Variants in ZNF285 observed in about 807,000 individuals in gnomAD.
The protein encoded by ZNF285 is zinc finger protein 285.
A neutral mutation model predicts 6.2 loss-of-function variants in ZNF285; 4 were observed. That is an observed-to-expected ratio of 0.65 (90% CI 0.32 to 1.49). ZNF285 has a LOEUF of 1.49. ZNF285 is among the 40% of genes most tolerant of loss of function. ZNF285 has a pLI of 0.07. For missense variants in ZNF285, 695 were observed against 708.8 expected, an observed-to-expected ratio of 0.98 and a Z score of 0.22; for synonymous variants, 240 against 245.8, an observed-to-expected ratio of 0.98 and a Z score of 0.22.
rs527543588 is a variant in ZNF285, at chr19:44,390,357, A to T, written c.142+1983T>A. Among the ~76,000 whole-genome samples the T allele has an allele frequency of 2.0e-4, 30 of 152,286 alleles. 1 individual carries two copies. The highest frequency in any genetic ancestry group is 7.2e-4 in the African/African-American group (30 of 41,522). On this transcript the variant is annotated intron_variant, in intron 3 of 3. Transcript: ENST00000614994. ...TGATCAGGATGCAAGACATAGAGTC[A>T]AAGGAGATCACTTTTGACTTTTAAG...
At chr19:44,398,571 C>A (rs1156664901) in intron 1 of ZNF285, among the ~76,000 whole-genome samples, 4 of 152,156 alleles carry the variant, frequency 2.6e-5, no homozygotes, top group African/African-American at 9.7e-5. Context: ...CCCTTCAGTC[C>A]TAAAGTCAGT....
Position 44,399,367 on chromosome 19 carries a change from CCT to C in ZNF285, c.-43-2113_-43-2112del, listed in dbSNP as rs917624646. Among the ~76,000 whole-genome samples, 7 of 138,390 alleles carry C rather than the reference CCT, an allele frequency of 5.1e-5. No individual in the cohort carries two copies. The East Asian group carries it at 6.5e-4, about 13-fold the overall frequency. The allele number at this position is 138,390 out of a possible 152,430, so 90.8% of individuals were successfully genotyped here. ...TACCAAGAAAACACTCCTCCTTTCC[CCT>C]GTCAAAAAACTACAAATCCTAAAAA... is the stretch of plus-strand genomic sequence containing the variant. On this transcript the variant is annotated intron_variant, in intron 1 of 3. Transcript: ENST00000614994.
chr19:44,387,395 C>T lies in ZNF285; in HGVS notation c.850G>A (p.Gly284Ser). The T allele has an allele frequency of 3.1e-6, 5 of 1,614,070 alleles. No homozygotes were observed. Among genetic ancestry groups the T allele is most frequent in the Non-Finnish European group, 4.2e-6 (5 of 1,180,018 alleles). Residue 284 changes from glycine (G) to serine (S), a missense_variant, in exon 4 of 4, where the codon GGC becomes AGC. Gly to Ser is a moderately conservative substitution (Grantham distance 56, BLOSUM62 0). Coordinates refer to ENST00000614994, the MANE Select transcript of ZNF285 (RefSeq NM_152354.6). ...DLIVHCKTHS[G>S]KTPYEFHEWP... ...TCGTGGAATTCATAGGGAGTCTTGC[C>T]AGAGTGAGTTTTACAATGAACGATA...
At chr19:44,389,486 TTATGACTCAG>T (rs1328021311) in intron 3 of ZNF285, among the ~76,000 whole-genome samples, 9 of 152,150 alleles carry the variant, frequency 5.9e-5, no homozygotes, top group African/African-American at 2.2e-4. Context: ...AAAATCAGCA[TTATGACTCAG>T]TAGGAATAGG....
At chr19:44,396,384 C>G (rs543357378) in intron 2 of ZNF285, among the ~76,000 whole-genome samples, 84 of 152,176 alleles carry the variant, frequency 5.5e-4, no homozygotes, top group Non-Finnish European at 4.9e-4. Flanking sequence ...CTGTGATGGT[C>G]TTTCTAATGT....
chr19:44,392,144 C>T, intron 3 of ZNF285, 196 bp downstream of exon 3: 1 of 1,423,248 alleles, frequency 7.0e-7, no homozygotes, highest in Non-Finnish European at 9.2e-7. Context: ...GGGGAGAGCT[C>T]CCTCACAAAC....
chr19:44,400,553 T>C (rs558850318), intron 1 of ZNF285, among the ~76,000 whole-genome samples: 2 of 151,956 alleles, frequency 1.3e-5, no homozygotes, highest in South Asian at 4.2e-4. Flanking sequence ...GAGAATGGAG[T>C]TAATAATTTG....
In ZNF285 at chr19:44,385,639, A is replaced by T. The variant is rs1971056388; in HGVS notation, c.*833T>A. The T allele has an allele frequency of 6.6e-6, 1 of 152,238 alleles. No individual in the cohort carries two copies. The highest frequency in any genetic ancestry group is 1.5e-5 in the Non-Finnish European group (1 of 68,038). 9.4% of individuals were successfully genotyped at this position (152,238 alleles called of 1,614,324 possible). On this transcript the variant is annotated 3_prime_UTR_variant, in exon 4 of 4. Coordinates refer to ENST00000614994, the MANE Select transcript of ZNF285 (RefSeq NM_152354.6). Reference sequence around the variant, plus strand: ...TGCAGTAATAAATAAACCACCAAAAATCTCAGTGGTGAGACACAATGAACT... The same window carrying T: ...TGCAGTAATAAATAAACCACCAAAATTCTCAGTGGTGAGACACAATGAACT...
chr19:44,394,836 G>A (rs576613365), intron 2 of ZNF285, among the ~76,000 whole-genome samples: 25 of 152,274 alleles, frequency 1.6e-4, no homozygotes, highest in African/African-American at 5.1e-4. Flanking sequence ...GAGTCAGCAC[G>A]GTTGTCCTAA....
chr19:44,384,332 T>C lies in ZNF285; in HGVS notation c.*2140A>G, dbSNP rs1971039426. 1.3e-5 allele frequency: 2 copies of C among 152,328 alleles called. No individual in the cohort carries two copies. Among genetic ancestry groups the C allele is most frequent in the South Asian group, 4.1e-4 (2 of 4,830 alleles). The allele number at this position is 152,328 out of a possible 1,614,324, so 9.4% of individuals were successfully genotyped here. On this transcript the variant is annotated 3_prime_UTR_variant, in exon 4 of 4. Coordinates refer to ENST00000614994, the MANE Select transcript of ZNF285 (RefSeq NM_152354.6). ...CATGTAATTACATCCTAAAAATACA[T>C]TCTGAGAAGCAGGATCATTGGCTCA...
At chr19:44,400,431 T>C (rs1224282753) in intron 1 of ZNF285, among the ~76,000 whole-genome samples, 2 of 152,120 alleles carry the variant, frequency 1.3e-5, no homozygotes, top group Non-Finnish European at 2.9e-5. Context: ...TTATCAAATA[T>C]ACAGAGAGTG....
At chr19:44,390,020 C>T (rs1259916858) in intron 3 of ZNF285, among the ~76,000 whole-genome samples, 1 of 152,140 alleles carries the variant, frequency 6.6e-6, no homozygotes, top group Admixed American at 6.5e-5. Flanking sequence ...TATGGTTTGG[C>T]TGTGTCCCTA....
At chr19:44,396,658 G>C (rs1350968895) in intron 2 of ZNF285, 1 of 153,164 alleles carries the variant, frequency 6.5e-6, no homozygotes, top group South Asian at 2.0e-4. Context: ...CTTCCTGAGG[G>C]GCTGCCCTGT....
rs746754563 is a variant in ZNF285, at chr19:44,387,313, G to A, written c.932C>T (p.Ser311Leu). Residue 311 changes from serine to leucine, a missense_variant, in exon 4 of 4, where the codon TCA becomes TTA. Physicochemically the swap from Ser to Leu is moderately radical, Grantham distance 145 (BLOSUM62 -2). Transcript: ENST00000614994. ...SDLPRYQKVS[S>L]GDKPYKCKEC... The stretch of plus-strand genomic sequence containing the variant: ...TTTACATTTGTAGGGTTTGTCTCCT[G>A]AGGAGACTTTCTGATATCTGGGAAG... 8 of 1,614,034 alleles carry A rather than the reference G, an allele frequency of 5.0e-6. No individual in the cohort carries two copies. The Admixed American group carries it at 8.3e-5, about 17-fold the overall frequency.
At chr19:44,399,978 T>G (rs1440386804) in intron 1 of ZNF285, among the ~76,000 whole-genome samples, 2 of 150,362 alleles carry the variant, frequency 1.3e-5, no homozygotes, top group Non-Finnish European at 2.9e-5. Flanking sequence ...GTGACAATCC[T>G]GCAGAGAGAG....
rs1971037875 is a variant in ZNF285 at position 44,384,162 on chromosome 19, C to A, written c.*2310G>T. 1 of 152,122 alleles carries A rather than the reference C, an allele frequency of 6.6e-6. No individual in the cohort carries two copies. Among genetic ancestry groups the A allele is most frequent in the South Asian group, 2.1e-4 (1 of 4,824 alleles). 9.4% of individuals were successfully genotyped at this position (152,122 alleles called of 1,614,324 possible). ...TGTGGACATTTTTATAGGTCTAGAT[C>A]ATTGTTGATGGAGCCATGTTATTCC... On this transcript the variant is annotated 3_prime_UTR_variant, in exon 4 of 4. Coordinates refer to ENST00000614994, the MANE Select transcript of ZNF285 (RefSeq NM_152354.6).
chr19:44,393,149 A>G (rs1971225268), intron 2 of ZNF285, among the ~76,000 whole-genome samples: 2 of 152,156 alleles, frequency 1.3e-5, no homozygotes, highest in African/African-American at 4.8e-5. Flanking sequence ...TTCTTAGGAG[A>G]TACAAACTGA....
At position 44,392,340 on chromosome 19, in the gene ZNF285, T is replaced by C. The variant is rs797018741; in HGVS notation, c.142A>G (p.Arg48Gly). Residue 48 changes from arginine to glycine, a missense_variant and splice_region_variant, in exon 3 of 4, where the codon AGA becomes GGA. Physicochemically the swap from Arg to Gly is moderately radical, Grantham distance 125 (BLOSUM62 -2). Coordinates refer to ENST00000614994, the MANE Select transcript of ZNF285 (RefSeq NM_152354.6). ...LENFRNLMLVRDGIKNNILNL... is the reference protein window; with the variant it reads ...LENFRNLMLVGDGIKNNILNL... The stretch of plus-strand genomic sequence containing the variant: ...AGTGGTCTCATGCTCAGTTACTCAC[T>C]CACTAACATGAGGTTCCTGAAGTTT... The C allele has an allele frequency of 6.2e-7, 1 of 1,613,902 alleles. No homozygotes were observed. Among genetic ancestry groups the C allele is most frequent in the African/African-American group, 1.3e-5 (1 of 74,996 alleles).
At chr19:44,396,295 GATC>G (rs1971279242) in intron 2 of ZNF285, among the ~76,000 whole-genome samples, 1 of 152,090 alleles carries the variant, frequency 6.6e-6, no homozygotes, top group African/African-American at 2.4e-5. Flanking sequence ...GCAAATGGAG[GATC>G]ATAATACCAT....
Sources: gnomAD v4.1 joint callset for allele counts (sites outside exome capture counted in the v4.1 genomes callset) on GRCh38, gnomAD v4.1.1 for gene constraint, MANE v1.5 for transcripts, NCBI Gene and HGNC (gene_info 2026-07-23, HGNC 2026-07-21) for gene names.